Variants in PLPP1 observed in about 807,000 individuals in gnomAD.
The protein encoded by PLPP1 is lipid phosphate phosphohydrolase 1a.
PLPP1 carries 24 observed loss-of-function variants against 31.2 expected under a neutral mutation model. The ratio of observed to expected loss-of-function variants is 0.77; its 90% CI spans 0.56 to 1.08. The LOEUF is 1.08. PLPP1 is among the 50% of genes least tolerant of loss of function. The probability of loss-of-function intolerance (pLI) is 0.00; values close to 1 mark genes in which losing one functional copy is unlikely to be tolerated. For synonymous variants in PLPP1, 146 were observed against 126.3 expected (o/e 1.16, Z -1.05); for missense variants, 319 against 342.7 (o/e 0.93, Z 0.55).
intron 1 of PLPP1, chr5:55,484,324 T>C (rs1393279950): frequency 6.6e-6 from 1 of 152,116 alleles, no homozygotes; most frequent in Non-Finnish European, 1.5e-5. Context: ...CTTCTCCTTG[T>C]TGTAGTTAGA....
In PLPP1 at chr5:55,534,760, AG is replaced by A. The variant is rs1740826009; in HGVS notation, c.-132del. On this transcript the variant is annotated 5_prime_UTR_variant, in exon 1 of 6. Transcript: ENST00000307259. The stretch of plus-strand genomic sequence containing the variant: ...TACGGCCCCTCCCAGCCGGAGGAGG[AG>A]AGCAGCCGAGGGCGGGCTGAGACCG... 3 of 963,832 alleles carry A rather than the reference AG, an allele frequency of 3.1e-6. No homozygotes were observed. The highest frequency in any genetic ancestry group is 4.4e-6 in the Non-Finnish European group (3 of 684,328). The allele number at this position is 963,832 out of a possible 1,614,324, so 59.7% of individuals were successfully genotyped here. A position where few individuals can be genotyped will look rare whatever the true frequency, so the allele number is the denominator to read the frequency against.
At chr5:55,490,299 C>T (rs942869075) in intron 1 of PLPP1, among the ~76,000 whole-genome samples, 76 of 151,528 alleles carry the variant, frequency 5.0e-4, no homozygotes, top group African/African-American at 1.7e-3. Context: ...TACAGGCATG[C>T]GCCACCACGC....
At chr5:55,469,894 A>G (rs929053487) in intron 2 of PLPP1, among the ~76,000 whole-genome samples, 2 of 152,226 alleles carry the variant, frequency 1.3e-5, no homozygotes, top group Non-Finnish European at 2.9e-5. Context: ...AGAAAACCTC[A>G]TATCACCAGA....
At chr5:55,434,338 T>C (rs1366747536) in intron 4 of PLPP1, among the ~76,000 whole-genome samples, 1 of 151,830 alleles carries the variant, frequency 6.6e-6, no homozygotes, top group Non-Finnish European at 1.5e-5. Flanking sequence ...TTAATATGGT[T>C]AAAATGACCA....
At chr5:55,426,515 T>G (rs1327101622) in intron 4 of PLPP1, among the ~76,000 whole-genome samples, 1 of 151,976 alleles carries the variant, frequency 6.6e-6, no homozygotes, top group Non-Finnish European at 1.5e-5. Flanking sequence ...AATCTTTCCA[T>G]GTCAGTTTCC....
intron 4 of PLPP1, among the ~76,000 whole-genome samples, chr5:55,432,079 A>G: frequency 6.8e-6 from 1 of 146,274 alleles, no homozygotes; most frequent in Admixed American, 6.9e-5. Context: ...TGCCAGCATG[A>G]ATAATTTTTC....
chr5:55,503,235 T>C (rs1363617482), intron 1 of PLPP1, among the ~76,000 whole-genome samples: 1 of 152,238 alleles, frequency 6.6e-6, no homozygotes, highest in East Asian at 1.9e-4. Context: ...TTTACAGTTT[T>C]GTAATTCATA....
intron 2 of PLPP1, among the ~76,000 whole-genome samples, chr5:55,472,742 G>GGAAGAAGAGGAAGAGGAA (rs57876551): frequency 1.4e-5 from 2 of 148,050 alleles, no homozygotes; most frequent in South Asian, 4.3e-4. Context: ...AGGAGGAAGA[G>GGAAGAAGAGGAAGAGGAA]GAAGAAGAGG....
At chr5:55,479,376 ACTAT>A (rs1579953242) in intron 1 of PLPP1, among the ~76,000 whole-genome samples, 1 of 152,228 alleles carries the variant, frequency 6.6e-6, no homozygotes, top group East Asian at 1.9e-4. Context: ...ATTTTCACTA[ACTAT>A]CTAAACCTAA....
chr5:55,446,223 G>GT (rs1448121565), intron 3 of PLPP1, among the ~76,000 whole-genome samples: 1 of 152,158 alleles, frequency 6.6e-6, no homozygotes, highest in Non-Finnish European at 1.5e-5. Flanking sequence ...GATTCAACAC[G>GT]TAAGACCTTT....
intron 2 of PLPP1, among the ~76,000 whole-genome samples, chr5:55,470,123 C>T (rs1295749967): frequency 6.6e-6 from 1 of 152,126 alleles, no homozygotes; most frequent in Non-Finnish European, 1.5e-5. Context: ...TACAGTTTTG[C>T]TTAGGGTTAT....
chr5:55,533,590 G>C (rs1740761366), intron 1 of PLPP1, among the ~76,000 whole-genome samples: 1 of 152,140 alleles, frequency 6.6e-6, no homozygotes, highest in Non-Finnish European at 1.5e-5. Context: ...CATCCAGGTG[G>C]CTAAAGCCAC....
intron 3 of PLPP1, among the ~76,000 whole-genome samples, chr5:55,449,516 G>A (rs548948940): frequency 2.8e-4 from 43 of 152,192 alleles, no homozygotes; most frequent in African/African-American, 9.6e-4. Context: ...CCACTACTCC[G>A]AGTATAAACA....
At chr5:55,530,109 T>C (rs1740609943) in intron 1 of PLPP1, 1 of 942,534 alleles carries the variant, frequency 1.1e-6, no homozygotes, top group African/African-American at 1.6e-5. Flanking sequence ...GTTTCCCCCT[T>C]AAAGATGGCA....
intron 3 of PLPP1, among the ~76,000 whole-genome samples, chr5:55,467,467 C>T (rs1489722869): frequency 1.3e-5 from 2 of 151,560 alleles, no homozygotes; most frequent in Non-Finnish European, 1.5e-5. Context: ...GGAAGGATCA[C>T]TTGAGCCCAG....
chr5:55,534,755 G>A lies in PLPP1; in HGVS notation c.-126C>T, dbSNP rs1195967675. On this transcript the variant is annotated 5_prime_UTR_variant, in exon 1 of 6. Transcript: ENST00000307259. ...CGAGCTACGGCCCCTCCCAGCCGGA[G>A]GAGGAGAGCAGCCGAGGGCGGGCTG... The A allele has an allele frequency of 4.8e-6, 5 of 1,031,628 alleles. No homozygotes were observed. Among genetic ancestry groups the A allele is most frequent in the Non-Finnish European group, 5.4e-6 (4 of 740,834 alleles). The allele number at this position is 1,031,628 out of a possible 1,614,324, so 63.9% of individuals were successfully genotyped here.
chr5:55,432,454 T>A (rs2111674836), intron 4 of PLPP1, among the ~76,000 whole-genome samples: 1 of 152,292 alleles, frequency 6.6e-6, no homozygotes, highest in Non-Finnish European at 1.5e-5. Context: ...AATTCTACCA[T>A]ACTTACAAAG....
At chr5:55,512,512 AAAAGAAAGAAAGAAAGAAAG>A (rs200128975) in intron 1 of PLPP1, among the ~76,000 whole-genome samples, 1,721 of 36,782 alleles carry the variant, frequency 0.047, 97 homozygotes, top group African/African-American at 0.058. Context: ...AAAAGAAAAG[AAAAGAAAGAAAGAAAGAAAG>A]AAAGAAAGAA....
At chr5:55,440,062 C>T (rs1561223912) in intron 4 of PLPP1, among the ~76,000 whole-genome samples, 1 of 152,184 alleles carries the variant, frequency 6.6e-6, no homozygotes, top group Non-Finnish European at 1.5e-5. Flanking sequence ...AAAACAGTGG[C>T]AGTCATCCCT....
Sources: allele counts gnomAD v4.1 joint callset (sites outside exome capture counted in the v4.1 genomes callset), GRCh38; gene constraint gnomAD v4.1.1; transcripts MANE v1.5; gene names NCBI Gene and HGNC (gene_info 2026-07-23, HGNC 2026-07-21).